Variants in SLC39A12 observed in about 807,000 individuals in gnomAD.
SLC39A12 encodes the protein solute carrier family 39 member 12.
SLC39A12 carries 63 observed loss-of-function variants against 71.1 expected under a neutral mutation model. That is an observed-to-expected ratio of 0.89 (90% confidence interval 0.72 to 1.09). The LOEUF (loss-of-function observed/expected upper bound fraction) is 1.09. SLC39A12 is among the 50% of genes least tolerant of loss of function. SLC39A12 has a pLI of 0.00. For missense variants in SLC39A12, 892 were observed against 812.6 expected, an observed-to-expected ratio of 1.10 and a Z score of -1.19; for synonymous variants, 351 against 301.3, an observed-to-expected ratio of 1.16 and a Z score of -1.71.
intron 4 of SLC39A12, among the ~76,000 whole-genome samples, chr10:17,966,688 G>A (rs999206458): frequency 4.5e-4 from 69 of 151,886 alleles, no homozygotes; most frequent in African/African-American, 1.6e-3. Flanking sequence ...AAAAAATTCA[G>A]GCTGGGTGCG....
At position 17,980,920 on chromosome 10, in the gene SLC39A12, A is replaced by G. The variant is rs1472412820; in HGVS notation, c.925-392A>G. 3.3e-5 allele frequency among the ~76,000 whole-genome samples: 5 copies of G among 152,194 alleles called. 1 individual carries two copies. The highest frequency in any genetic ancestry group is 1.2e-4 in the African/African-American group (5 of 41,454). On this transcript the variant is annotated intron_variant, in intron 5 of 12. Transcript: ENST00000377369. Reference sequence around the variant, plus strand: ...AAGACAGTGACCTCATTACCATAGGACTTCTGTTTATTGTATGAAGTCTTT... The same window carrying G: ...AAGACAGTGACCTCATTACCATAGGGCTTCTGTTTATTGTATGAAGTCTTT...
chr10:18,034,576 A>T (rs1252875155), intron 12 of SLC39A12, among the ~76,000 whole-genome samples: 1 of 151,094 alleles, frequency 6.6e-6, no homozygotes, highest in Non-Finnish European at 1.5e-5. Flanking sequence ...AATACAGCAC[A>T]CTGATGGGTC....
intron 12 of SLC39A12, among the ~76,000 whole-genome samples, chr10:18,032,762 T>G (rs1185743714): frequency 1.3e-5 from 2 of 152,006 alleles, no homozygotes; most frequent in Non-Finnish European, 2.9e-5. Context: ...TTTTTGCCCA[T>G]TCAATATGAT....
chr10:18,025,939 C>T (rs900337276), intron 12 of SLC39A12, among the ~76,000 whole-genome samples: 3 of 152,146 alleles, frequency 2.0e-5, no homozygotes, highest in African/African-American at 4.8e-5. Flanking sequence ...AAATAATATA[C>T]TACTTCACAA....
intron 12 of SLC39A12, among the ~76,000 whole-genome samples, chr10:18,037,210 T>C (rs1837077367): frequency 1.3e-5 from 2 of 152,222 alleles, no homozygotes; most frequent in African/African-American, 2.4e-5. Flanking sequence ...TGTTATTGTT[T>C]ATTGATTTAT....
chr10:17,997,528 A>G (rs1038677751), intron 10 of SLC39A12, among the ~76,000 whole-genome samples: 11 of 152,162 alleles, frequency 7.2e-5, no homozygotes, highest in Non-Finnish European at 1.5e-4. Flanking sequence ...TGAAAGAAGG[A>G]CATGCCCAGT....
chr10:17,990,049 T>A (rs1281029195), intron 7 of SLC39A12, among the ~76,000 whole-genome samples: 1 of 152,222 alleles, frequency 6.6e-6, no homozygotes, highest in Non-Finnish European at 1.5e-5. Flanking sequence ...AAAATGTTAC[T>A]CATGTGATTG....
chr10:17,965,369 A>T, intron 3 of SLC39A12, 114 bp from the exon 4 acceptor site: 1 of 843,874 alleles, frequency 1.2e-6, no homozygotes, highest in East Asian at 2.6e-5. Context: ...CAAATGATTC[A>T]ATTTTCTTTT....
chr10:17,969,387 A>G (rs1234236746), intron 4 of SLC39A12, among the ~76,000 whole-genome samples: 1 of 152,090 alleles, frequency 6.6e-6, no homozygotes, highest in Non-Finnish European at 1.5e-5. Context: ...TAGGGGTCAT[A>G]CTAACTTACA....
intron 12 of SLC39A12, among the ~76,000 whole-genome samples, chr10:18,042,356 G>A (rs1261777075): frequency 6.6e-6 from 1 of 151,726 alleles, no homozygotes; most frequent in Non-Finnish European, 1.5e-5. Context: ...GCACGCACCT[G>A]GAAGGCTGAG....
chr10:17,984,635 A>G (rs1015603863), intron 6 of SLC39A12, among the ~76,000 whole-genome samples: 1 of 152,274 alleles, frequency 6.6e-6, no homozygotes, highest in Non-Finnish European at 1.5e-5. Context: ...GGAAGTTTCT[A>G]TAACATGAGT....
intron 6 of SLC39A12, among the ~76,000 whole-genome samples, chr10:17,982,687 G>T (rs1035623760): frequency 3.3e-5 from 5 of 151,924 alleles, no homozygotes; most frequent in Non-Finnish European, 7.4e-5. Context: ...TCAGAAAATG[G>T]ATGAAGACAG....
intron 12 of SLC39A12, among the ~76,000 whole-genome samples, chr10:18,034,192 T>A (rs1836932224): frequency 6.6e-6 from 1 of 151,986 alleles, no homozygotes; most frequent in South Asian, 2.1e-4. Context: ...CTGAGTTCAA[T>A]TCCTGGGTAT....
At chr10:17,961,542 C>T (rs782417672) in intron 2 of SLC39A12, 39 bp from the exon 3 acceptor site, 1 of 1,568,104 alleles carries the variant, frequency 6.4e-7, no homozygotes, top group Non-Finnish European at 8.6e-7. Context: ...TTTTGCTAAG[C>T]TTTGTTTCTT....
At chr10:18,027,657 C>T (rs1171757651) in intron 12 of SLC39A12, among the ~76,000 whole-genome samples, 3 of 152,328 alleles carry the variant, frequency 2.0e-5, no homozygotes, top group Middle Eastern at 3.4e-3. Flanking sequence ...TGCTACTGGG[C>T]TTTTGCTCTG....
chr10:18,022,384 A>C (rs548130185), intron 12 of SLC39A12, among the ~76,000 whole-genome samples: 3 of 151,908 alleles, frequency 2.0e-5, no homozygotes, highest in Non-Finnish European at 2.9e-5. Context: ...ACCACTCTTC[A>C]AGCTCTGATA....
At chr10:18,037,770 T>C (rs1186373231) in intron 12 of SLC39A12, among the ~76,000 whole-genome samples, 4 of 152,132 alleles carry the variant, frequency 2.6e-5, no homozygotes, top group Admixed American at 2.0e-4. Context: ...ACACCTGTAA[T>C]CCCAGCACTT....
chr10:17,963,844 C>A (rs1425785941), intron 3 of SLC39A12, among the ~76,000 whole-genome samples: 3 of 152,194 alleles, frequency 2.0e-5, no homozygotes, highest in Non-Finnish European at 4.4e-5. Context: ...TGGGCCTCAA[C>A]AAGATCCCCA....
intron 4 of SLC39A12, among the ~76,000 whole-genome samples, chr10:17,967,911 A>G (rs1046180423): frequency 1.4e-5 from 2 of 147,354 alleles, no homozygotes; most frequent in African/African-American, 5.0e-5. Context: ...ATATATATAT[A>G]TATATATTTA....
Sources: allele counts gnomAD v4.1 joint callset (sites outside exome capture counted in the v4.1 genomes callset), GRCh38; gene constraint gnomAD v4.1.1; transcripts MANE v1.5; gene names NCBI Gene and HGNC (gene_info 2026-07-23, HGNC 2026-07-21).